Variants in TENM3 observed in about 807,000 individuals in gnomAD.
TENM3 encodes the protein teneurin-3.
Under a neutral mutation model 255.1 loss-of-function variants are expected in TENM3, and 63 were observed. That is an observed-to-expected ratio of 0.25 (90% CI 0.20 to 0.30). TENM3 has a LOEUF of 0.30. Ranked by LOEUF, TENM3 falls within the 10% of genes least tolerant of loss-of-function variation. The pLI is 1.00. For synonymous variants in TENM3, 1,306 were observed against 1,322.3 expected, an observed-to-expected ratio of 0.99 and a Z score of 0.27; for missense variants, 2,929 against 3,461.1, an observed-to-expected ratio of 0.85 and a Z score of 3.86.
At chr4:182,157,408 G>A (rs927254190) in intron 1 of TENM3, among the ~76,000 whole-genome samples, 1 of 152,162 alleles carries the variant, frequency 6.6e-6, no homozygotes, top group Non-Finnish European at 1.5e-5. Flanking sequence ...CCCTGTGAAG[G>A]CAGAGACCCT....
the TENM3 span, among the ~76,000 whole-genome samples, chr4:181,612,135 C>T: frequency 2.6e-5 from 4 of 152,206 alleles, no homozygotes; most frequent in South Asian, 2.1e-4. Context: ...GAGCCCCAGC[C>T]TCTCAGTGCC....
At chr4:182,290,659 C>T (rs994187708) in intron 1 of TENM3, among the ~76,000 whole-genome samples, 1 of 150,958 alleles carries the variant, frequency 6.6e-6, no homozygotes, top group Non-Finnish European at 1.5e-5. Flanking sequence ...CCCGCCACCA[C>T]GCCCAGCTAA....
chr4:181,656,447 G>C, the TENM3 span, among the ~76,000 whole-genome samples: 8 of 152,178 alleles, frequency 5.3e-5, no homozygotes, highest in African/African-American at 1.7e-4. Context: ...AGATGAGTTA[G>C]CATAAAGGAA....
At chr4:181,895,185 A>G in the TENM3 span, among the ~76,000 whole-genome samples, 2 of 151,980 alleles carry the variant, frequency 1.3e-5, no homozygotes, top group African/African-American at 4.8e-5. Flanking sequence ...TAACTGTTGG[A>G]TTTCATTCCC....
chr4:181,489,661 A>T, the TENM3 span, among the ~76,000 whole-genome samples: 7 of 152,188 alleles, frequency 4.6e-5, no homozygotes, highest in Non-Finnish European at 7.3e-5. Context: ...GTGTACATGC[A>T]TGTGTGTGTA....
At chr4:182,553,973 A>G (rs1440104193) in intron 3 of TENM3, among the ~76,000 whole-genome samples, 3 of 152,184 alleles carry the variant, frequency 2.0e-5, no homozygotes, top group Non-Finnish European at 4.4e-5. Flanking sequence ...GTATTCAGTA[A>G]TATACTTAGG....
At chr4:182,182,669 G>C (rs1426071859) in intron 1 of TENM3, among the ~76,000 whole-genome samples, 1 of 152,156 alleles carries the variant, frequency 6.6e-6, no homozygotes, top group African/African-American at 2.4e-5. Flanking sequence ...TGAGTTATCA[G>C]CTTAGTTCCA....
chr4:181,829,336 G>C, the TENM3 span, among the ~76,000 whole-genome samples: 1 of 152,160 alleles, frequency 6.6e-6, no homozygotes. Flanking sequence ...TGTCTAAAAT[G>C]TTGTATTTGC....
At chr4:182,023,222 T>C in the TENM3 span, among the ~76,000 whole-genome samples, 1 of 152,172 alleles carries the variant, frequency 6.6e-6, no homozygotes, top group Non-Finnish European at 1.5e-5. Flanking sequence ...AAACCTCCAC[T>C]TACCAATACC....
At chr4:182,760,855 A>G (rs1350002805) in intron 22 of TENM3, among the ~76,000 whole-genome samples, 1 of 152,188 alleles carries the variant, frequency 6.6e-6, no homozygotes. Context: ...CAGAGAAGGG[A>G]TCCCCGAAGA....
intron 3 of TENM3, among the ~76,000 whole-genome samples, chr4:182,498,868 AT>A (rs1166128017): frequency 6.6e-6 from 1 of 151,790 alleles, no homozygotes; most frequent in Non-Finnish European, 1.5e-5. Context: ...AAAAAAAAAA[AT>A]TCTCAGCGTC....
chr4:182,173,001 G>T (rs771239074), intron 1 of TENM3, among the ~76,000 whole-genome samples: 20 of 152,116 alleles, frequency 1.3e-4, no homozygotes, highest in African/African-American at 4.6e-4. Context: ...ATATGGCTAC[G>T]TGAATGGACA....
chr4:182,429,114 G>A (rs1771445211), intron 3 of TENM3, among the ~76,000 whole-genome samples: 1 of 152,092 alleles, frequency 6.6e-6, no homozygotes, highest in East Asian at 1.9e-4. Flanking sequence ...TAGAACTGTT[G>A]ATAATCACAA....
the TENM3 span, among the ~76,000 whole-genome samples, chr4:181,773,027 C>T: frequency 6.6e-5 from 10 of 152,114 alleles, no homozygotes; most frequent in Non-Finnish European, 1.3e-4. Flanking sequence ...CCACTTTACT[C>T]TTAAGTCTCT....
intron 3 of TENM3, among the ~76,000 whole-genome samples, chr4:182,468,868 GTGTA>G (rs1177506210): frequency 4.4e-5 from 6 of 135,614 alleles, no homozygotes; most frequent in East Asian, 4.2e-4. Flanking sequence ...GTGTGTGTGT[GTGTA>G]TGTGCATGTT....
At chr4:182,232,651 G>T (rs111375200) in intron 1 of TENM3, among the ~76,000 whole-genome samples, 7 of 151,978 alleles carry the variant, frequency 4.6e-5, no homozygotes, top group African/African-American at 1.7e-4. Context: ...AGCGGAGATC[G>T]CGCCACTGCA....
the TENM3 span, among the ~76,000 whole-genome samples, chr4:182,026,805 T>C: frequency 6.6e-6 from 1 of 152,192 alleles, no homozygotes; most frequent in African/African-American, 2.4e-5. Flanking sequence ...CTTTACTCTG[T>C]TCCATTTGAT....
intron 1 of TENM3, among the ~76,000 whole-genome samples, chr4:182,245,069 G>A (rs1757552727): frequency 6.6e-6 from 1 of 152,210 alleles, no homozygotes; most frequent in Non-Finnish European, 1.5e-5. Context: ...AAACAATCGA[G>A]TGTTAGGCTG....
chr4:181,722,752 T>A, the TENM3 span, among the ~76,000 whole-genome samples: 1 of 152,232 alleles, frequency 6.6e-6, no homozygotes, highest in African/African-American at 2.4e-5. Context: ...CCTTTTTCAA[T>A]CTTTATGTTT....
Sources: gnomAD v4.1 joint callset for allele counts (sites outside exome capture counted in the v4.1 genomes callset) on GRCh38, gnomAD v4.1.1 for gene constraint, MANE v1.5 for transcripts, NCBI Gene and HGNC (gene_info 2026-07-23, HGNC 2026-07-21) for gene names.